The following FUT8 variants were observed in gnomAD, a reference collection of about 807,000 sequenced individuals.
The protein encoded by FUT8 is alpha-(1,6)-fucosyltransferase.
FUT8 carries 29 observed loss-of-function variants against 71.3 expected under a neutral mutation model. The observed-to-expected ratio is 0.41, with a 90% confidence interval of 0.30 to 0.55. The LOEUF (loss-of-function observed/expected upper bound fraction) is 0.55, where lower values mean the gene tolerates loss of function less well. Ranked by LOEUF, FUT8 falls within the 20% of genes least tolerant of loss-of-function variation. The pLI is 0.34. For missense variants in FUT8, 544 were observed against 702.1 expected (o/e 0.77, Z 2.55); for synonymous variants, 254 against 239.3 (o/e 1.06, Z -0.57).
At chr14:65,618,031 A>ATC (rs1889384613) in intron 5 of FUT8, among the ~76,000 whole-genome samples, 1 of 90,396 alleles carries the variant, frequency 1.1e-5, no homozygotes, top group East Asian at 5.1e-4. Flanking sequence ...ATATATATAT[A>ATC]TATATATATA....
At chr14:65,461,994 A>G (rs943137624) in intron 2 of FUT8, among the ~76,000 whole-genome samples, 6 of 152,086 alleles carry the variant, frequency 3.9e-5, no homozygotes, top group African/African-American at 9.7e-5. Flanking sequence ...TGCCAAAAGA[A>G]CAGTCTGTGG....
intron 2 of FUT8, among the ~76,000 whole-genome samples, chr14:65,500,813 A>G (rs2066634003): frequency 6.6e-6 from 1 of 152,196 alleles, no homozygotes; most frequent in Admixed American, 6.5e-5. Context: ...TGTGGTTTTC[A>G]TTAGCGTTGA....
chr14:65,565,964 A>G (rs561945868), intron 3 of FUT8, among the ~76,000 whole-genome samples: 1 of 151,950 alleles, frequency 6.6e-6, no homozygotes, highest in East Asian at 1.9e-4. Context: ...GTATAATATA[A>G]TAAAAAACAA....
At chr14:65,373,345 C>G in the FUT8 span, among the ~76,000 whole-genome samples, 1 of 151,074 alleles carries the variant, frequency 6.6e-6, no homozygotes, top group Admixed American at 6.6e-5. Flanking sequence ...AAACCCCAAA[C>G]CCCAGGCTCC....
At chr14:65,449,914 T>C (rs1053064843) in intron 1 of FUT8, among the ~76,000 whole-genome samples, 2 of 152,236 alleles carry the variant, frequency 1.3e-5, no homozygotes, top group Non-Finnish European at 2.9e-5. Flanking sequence ...TAGCTTTCAC[T>C]TTTTATGGGT....
chr14:65,717,075 C>T (rs1225846657), intron 7 of FUT8, among the ~76,000 whole-genome samples: 47 of 134,166 alleles, frequency 3.5e-4, no homozygotes, highest in Middle Eastern at 5.0e-3. Context: ...CCAGATGGGG[C>T]GGCCGGGCAG....
At chr14:65,575,745 A>G (rs1886738710) in intron 3 of FUT8, among the ~76,000 whole-genome samples, 1 of 151,830 alleles carries the variant, frequency 6.6e-6, no homozygotes, top group Non-Finnish European at 1.5e-5. Context: ...CGGCCTCCCG[A>G]GTAGCTGGAA....
At chr14:65,599,206 CA>C (rs1025892796) in intron 3 of FUT8, among the ~76,000 whole-genome samples, 21 of 151,496 alleles carry the variant, frequency 1.4e-4, no homozygotes, top group African/African-American at 5.1e-4. Context: ...TTAAAGTAAA[CA>C]AAAAAAATAT....
upstream of FUT8, chr14:65,411,898 T>C (rs750060169): frequency 7.9e-6 from 3 of 377,366 alleles, no homozygotes; most frequent in African/African-American, 4.3e-5. Flanking sequence ...CGCGCTCCGG[T>C]CCTCCCGCTC....
At chr14:65,590,613 G>A (rs1332747816) in intron 3 of FUT8, among the ~76,000 whole-genome samples, 1 of 152,040 alleles carries the variant, frequency 6.6e-6, no homozygotes, top group African/African-American at 2.4e-5. Context: ...ATTAGTATCT[G>A]GAATACATTA....
chr14:65,476,637 A>ATTTTTTTTT (rs200882761), intron 2 of FUT8, among the ~76,000 whole-genome samples: 4 of 125,150 alleles, frequency 3.2e-5, no homozygotes, highest in African/African-American at 1.2e-4. Flanking sequence ...AAAGAAGTAG[A>ATTTTTTTTT]TTTTTTTTTT....
At chr14:65,457,189 T>C (rs1285479385) in intron 2 of FUT8, among the ~76,000 whole-genome samples, 1 of 152,158 alleles carries the variant, frequency 6.6e-6, no homozygotes, top group Non-Finnish European at 1.5e-5. Context: ...ACCCCATGTA[T>C]TTTTTACTAA....
intron 6 of FUT8, among the ~76,000 whole-genome samples, chr14:65,632,774 AT>A (rs1566864167): frequency 6.6e-6 from 1 of 152,144 alleles, no homozygotes; most frequent in African/African-American, 2.4e-5. Flanking sequence ...TGGGTTCTTG[AT>A]TATGAAATCC....
intron 6 of FUT8, among the ~76,000 whole-genome samples, chr14:65,656,803 T>TATACCATATAGACC (rs1891705158): frequency 6.6e-6 from 1 of 152,136 alleles, no homozygotes; most frequent in Non-Finnish European, 1.5e-5. Flanking sequence ...GGTACCGGCA[T>TATACCATATAGACC]ATAGACCATA....
intron 1 of FUT8, among the ~76,000 whole-genome samples, chr14:65,416,254 C>T (rs949999828): frequency 2.0e-5 from 3 of 150,326 alleles, no homozygotes; most frequent in African/African-American, 7.3e-5. Flanking sequence ...AGTTACTTTA[C>T]TAAACATAAA....
At chr14:65,428,217 A>G (rs181764988) in intron 1 of FUT8, among the ~76,000 whole-genome samples, 1 of 152,308 alleles carries the variant, frequency 6.6e-6, no homozygotes, top group East Asian at 1.9e-4. Flanking sequence ...TCTTAAATGT[A>G]GCCACTGTGT....
At chr14:65,529,834 A>C (rs528217094) in intron 2 of FUT8, among the ~76,000 whole-genome samples, 2 of 152,170 alleles carry the variant, frequency 1.3e-5, no homozygotes, top group African/African-American at 4.8e-5. Flanking sequence ...ACTCTTGTGC[A>C]TTCTTACCCT....
At chr14:65,701,905 A>G (rs1894311979) in intron 7 of FUT8, among the ~76,000 whole-genome samples, 2 of 152,172 alleles carry the variant, frequency 1.3e-5, no homozygotes, top group Non-Finnish European at 2.9e-5. Flanking sequence ...TTCCATGAAG[A>G]GTCATTTTGA....
chr14:65,687,174 C>A (rs1327725918), intron 7 of FUT8, among the ~76,000 whole-genome samples: 1 of 151,628 alleles, frequency 6.6e-6, no homozygotes, highest in Non-Finnish European at 1.5e-5. Flanking sequence ...CAGGACTAGC[C>A]CTCTCTTTAG....
Sources: gnomAD v4.1 joint callset for allele counts (sites outside exome capture counted in the v4.1 genomes callset) on GRCh38, gnomAD v4.1.1 for gene constraint, MANE v1.5 for transcripts, NCBI Gene and HGNC (gene_info 2026-07-23, HGNC 2026-07-21) for gene names.